The following GPC6 variants were observed in gnomAD, a reference collection of about 807,000 sequenced individuals.
The protein encoded by GPC6 is glypican 6.
Under a neutral mutation model 55.2 loss-of-function variants are expected in GPC6, and 14 were observed. The observed-to-expected ratio is 0.25, with a 90% CI of 0.17 to 0.40. The LOEUF (loss-of-function observed/expected upper bound fraction) is 0.40. GPC6 is among the 10% of genes least tolerant of loss of function. GPC6 has a pLI of 1.00. For synonymous variants in GPC6, 278 were observed against 259.6 expected, an observed-to-expected ratio of 1.07 and a Z score of -0.68; for missense variants, 641 against 708.5, an observed-to-expected ratio of 0.90 and a Z score of 1.08.
intron 4 of GPC6, among the ~76,000 whole-genome samples, chr13:94,254,895 C>G (rs1891459501): frequency 6.6e-6 from 1 of 152,112 alleles, no homozygotes; most frequent in African/African-American, 2.4e-5. Flanking sequence ...TGAATCATCA[C>G]AAAAGCTCCT....
chr13:93,687,362 G>A (rs935320379), intron 2 of GPC6, among the ~76,000 whole-genome samples: 6 of 151,978 alleles, frequency 3.9e-5, no homozygotes, highest in African/African-American at 1.2e-4. Flanking sequence ...AAAAGTAATG[G>A]CATTACATAA....
At chr13:94,021,527 G>A (rs1882695029) in intron 3 of GPC6, among the ~76,000 whole-genome samples, 3 of 151,864 alleles carry the variant, frequency 2.0e-5, no homozygotes, top group South Asian at 4.1e-4. Context: ...TACATGGCTA[G>A]CCAGGTAGAT....
intron 3 of GPC6, among the ~76,000 whole-genome samples, chr13:93,845,886 T>G (rs1212554116): frequency 6.8e-6 from 1 of 147,888 alleles, no homozygotes; most frequent in Non-Finnish European, 1.5e-5. Flanking sequence ...TAATGCTAGA[T>G]GACGAGTTAG....
intron 4 of GPC6, among the ~76,000 whole-genome samples, chr13:94,121,100 A>G (rs890356754): frequency 6.6e-6 from 1 of 152,082 alleles, no homozygotes; most frequent in Non-Finnish European, 1.5e-5. Context: ...CTGGGTACAG[A>G]TCTAGTGCAG....
intron 3 of GPC6, among the ~76,000 whole-genome samples, chr13:93,868,617 T>C (rs1015096441): frequency 4.6e-5 from 7 of 151,880 alleles, no homozygotes; most frequent in African/African-American, 1.7e-4. Flanking sequence ...TCCCTCTCTT[T>C]CACTGCCAAA....
intron 1 of GPC6, among the ~76,000 whole-genome samples, chr13:93,402,057 C>A (rs899823828): frequency 1.3e-5 from 2 of 152,092 alleles, no homozygotes; most frequent in Non-Finnish European, 2.9e-5. Context: ...CTAACTGGTC[C>A]AGTGTCATAG....
At chr13:93,871,724 T>C (rs577056279) in intron 3 of GPC6, among the ~76,000 whole-genome samples, 1 of 152,108 alleles carries the variant, frequency 6.6e-6, no homozygotes, top group South Asian at 2.1e-4. Context: ...TAGAGACTAC[T>C]GGTTTTACTT....
intron 4 of GPC6, among the ~76,000 whole-genome samples, chr13:94,270,451 A>T (rs1242496976): frequency 2.6e-5 from 4 of 152,222 alleles, no homozygotes; most frequent in Non-Finnish European, 5.9e-5. Context: ...CTATATTGCT[A>T]TTGAATTGAA....
At chr13:93,836,417 G>T (rs781059109) in intron 3 of GPC6, among the ~76,000 whole-genome samples, 1 of 152,210 alleles carries the variant, frequency 6.6e-6, no homozygotes, top group Non-Finnish European at 1.5e-5. Context: ...TTGTCCTTCT[G>T]TGGTGGTTTT....
intron 3 of GPC6, among the ~76,000 whole-genome samples, chr13:94,011,410 T>A (rs999931742): frequency 6.6e-6 from 1 of 152,168 alleles, no homozygotes; most frequent in Admixed American, 6.5e-5. Flanking sequence ...TTAGGAACAT[T>A]ATTTTTGTAT....
intron 4 of GPC6, among the ~76,000 whole-genome samples, chr13:94,129,019 G>T (rs1886921663): frequency 6.6e-6 from 1 of 151,894 alleles, no homozygotes; most frequent in Non-Finnish European, 1.5e-5. Context: ...AACAAAAAAG[G>T]CTCAGACTAC....
chr13:93,375,019 G>A (rs972996154), intron 1 of GPC6, among the ~76,000 whole-genome samples: 4 of 152,172 alleles, frequency 2.6e-5, no homozygotes, highest in African/African-American at 9.7e-5. Flanking sequence ...TTGATAAGCA[G>A]TCAGTTCTTC....
chr13:93,793,807 A>T (rs1886119544), intron 2 of GPC6, among the ~76,000 whole-genome samples: 1 of 152,102 alleles, frequency 6.6e-6, no homozygotes, highest in Admixed American at 6.6e-5. Context: ...GAGCAAATAA[A>T]CTCACTCCTG....
chr13:93,925,306 T>C (rs1368349766), intron 3 of GPC6, among the ~76,000 whole-genome samples: 3 of 152,082 alleles, frequency 2.0e-5, no homozygotes, highest in African/African-American at 7.2e-5. Context: ...TGTAGAGAAA[T>C]GTGGATGATG....
intron 1 of GPC6, among the ~76,000 whole-genome samples, chr13:93,408,828 T>C (rs1433327500): frequency 2.6e-5 from 4 of 152,046 alleles, no homozygotes; most frequent in Non-Finnish European, 5.9e-5. Flanking sequence ...AGTGCAGGGA[T>C]GGGGCCATAT....
At chr13:94,101,987 G>A (rs1484082489) in intron 4 of GPC6, among the ~76,000 whole-genome samples, 6 of 151,974 alleles carry the variant, frequency 3.9e-5, no homozygotes, top group Admixed American at 2.0e-4. Context: ...TTATCAAATG[G>A]TTTTTGCAAA....
At chr13:94,271,382 GCACACACA>G (rs60762188) in intron 4 of GPC6, among the ~76,000 whole-genome samples, 8 of 126,760 alleles carry the variant, frequency 6.3e-5, no homozygotes, top group African/African-American at 1.5e-4. Context: ...GCGCGCGCGC[GCACACACA>G]CACACACACA....
intron 6 of GPC6, among the ~76,000 whole-genome samples, chr13:94,336,730 G>A (rs1254730861): frequency 6.6e-6 from 1 of 152,080 alleles, no homozygotes; most frequent in Non-Finnish European, 1.5e-5. Context: ...GAAAGTAAAT[G>A]TGAGCATGTT....
chr13:93,780,703 GT>G (rs1885615253), intron 2 of GPC6, among the ~76,000 whole-genome samples: 1 of 151,720 alleles, frequency 6.6e-6, no homozygotes, highest in African/African-American at 2.4e-5. Flanking sequence ...CAATGTTAAT[GT>G]TTAAAACAAG....
Sources: gnomAD v4.1 joint callset for allele counts (sites outside exome capture counted in the v4.1 genomes callset) on GRCh38, gnomAD v4.1.1 for gene constraint, MANE v1.5 for transcripts, NCBI Gene and HGNC (gene_info 2026-07-23, HGNC 2026-07-21) for gene names.